The following RANBP10 variants were observed in gnomAD, a reference collection of about 807,000 sequenced individuals.
RANBP10 encodes RAN binding protein 10, also known as ran-binding protein 10.
Under a neutral mutation model 72.8 loss-of-function variants are expected in RANBP10, and 24 were observed. The ratio of observed to expected loss-of-function variants is 0.33; its 90% CI spans 0.24 to 0.46. The LOEUF (loss-of-function observed/expected upper bound fraction) is 0.46. RANBP10 is among the 20% of genes least tolerant of loss of function. RANBP10 has a pLI of 1.00. For missense variants in RANBP10, 679 were observed against 817.5 expected (o/e 0.83, Z 2.07); for synonymous variants, 310 against 322.3 (o/e 0.96, Z 0.41).
At chr16:67,771,332 T>A (rs1428427899) in intron 3 of RANBP10, among the ~76,000 whole-genome samples, 1 of 151,974 alleles carries the variant, frequency 6.6e-6, no homozygotes, top group Non-Finnish European at 1.5e-5. Context: ...TTAAAAACTT[T>A]GATCTTTTTT....
chr16:67,766,250 C>T (rs1038442921), intron 3 of RANBP10, among the ~76,000 whole-genome samples: 2 of 152,156 alleles, frequency 1.3e-5, no homozygotes, highest in Non-Finnish European at 2.9e-5. Context: ...ATGATGCTTT[C>T]GGTTTTGCAA....
intron 2 of RANBP10, among the ~76,000 whole-genome samples, chr16:67,779,330 GA>G (rs2054769755): frequency 6.6e-6 from 1 of 151,544 alleles, no homozygotes; most frequent in African/African-American, 2.4e-5. Flanking sequence ...GGGGTGGGTG[GA>G]GGTTGCAGTG....
At chr16:67,774,912 A>G (rs2054673302) in intron 2 of RANBP10, among the ~76,000 whole-genome samples, 1 of 152,220 alleles carries the variant, frequency 6.6e-6, no homozygotes, top group Admixed American at 6.5e-5. Context: ...AAAAACACGA[A>G]TTGTACACTT....
At chr16:67,728,183 T>C (rs1260344377) in intron 11 of RANBP10, among the ~76,000 whole-genome samples, 5 of 152,338 alleles carry the variant, frequency 3.3e-5, no homozygotes, top group South Asian at 4.1e-4. Flanking sequence ...GCCTCAAACA[T>C]AGGTGGTCTT....
Position 67,728,406 on chromosome 16 carries a change from C to T in RANBP10, c.1458G>A (p.Thr486=), listed in dbSNP as rs939328448. ...GGCTCTCACCCATGCTGGACTCATC[C>T]GTCTGCAGGTCCTCATGCTTGTAGG... ...NGAYKHEDLQ[T]DESSMDDRHP... is the part of the protein sequence containing the mutation. The change falls in exon 11 of 14, where the codon ACG becomes ACA. Residue 486 remains threonine, a synonymous_variant. Coordinates refer to ENST00000317506, the MANE Select transcript of RANBP10 (RefSeq NM_020850.3). 21 of 1,614,154 alleles carry T rather than the reference C, an allele frequency of 1.3e-5. No homozygotes were observed. The highest frequency in any genetic ancestry group is 1.7e-5 in the Non-Finnish European group (20 of 1,180,016).
rs900227719 is a variant in RANBP10 at position 67,724,993 on chromosome 16, A to G, written c.*1435T>C. ...TCCTCCAGGGCAGCCAGTCCTCTCC[A>G]CAGGTGGGCCACCCCAAGTCCTGGC... On this transcript the variant is annotated 3_prime_UTR_variant, in exon 14 of 14. Coordinates refer to ENST00000317506, the MANE Select transcript of RANBP10 (RefSeq NM_020850.3). 5.2e-5 allele frequency: 8 copies of G among 152,842 alleles called. No individual in the cohort carries two copies. The highest frequency in any genetic ancestry group is 1.9e-4 in the African/African-American group (8 of 41,446). 9.5% of individuals were successfully genotyped at this position (152,842 alleles called of 1,614,324 possible).
intron 2 of RANBP10, among the ~76,000 whole-genome samples, chr16:67,778,300 G>T (rs1016153402): frequency 6.6e-6 from 1 of 151,796 alleles, no homozygotes; most frequent in African/African-American, 2.4e-5. Flanking sequence ...AGTAAGCCAA[G>T]ATCGCGCCAC....
chr16:67,774,840 A>G (rs2054671349), intron 2 of RANBP10, among the ~76,000 whole-genome samples: 1 of 152,216 alleles, frequency 6.6e-6, no homozygotes, highest in Non-Finnish European at 1.5e-5. Flanking sequence ...AACTCTTCAT[A>G]AACTTAAAGA....
intron 2 of RANBP10, among the ~76,000 whole-genome samples, chr16:67,801,429 C>T (rs981632500): frequency 6.6e-6 from 1 of 152,134 alleles, no homozygotes; most frequent in Non-Finnish European, 1.5e-5. Flanking sequence ...CAGGCGAGGA[C>T]ATCTGATAAG....
At position 67,727,457 on chromosome 16, in the gene RANBP10, T is replaced by C. The variant is rs762491843; in HGVS notation, c.1621-19A>G. ...AGGCATCCTACAGGACAGGGCATTCTTGAGAGGACTGTGGCACACACCATA... is the reference window on the plus strand; with the variant it reads ...AGGCATCCTACAGGACAGGGCATTCCTGAGAGGACTGTGGCACACACCATA... On this transcript the variant is annotated intron_variant, in intron 12 of 13. Coordinates refer to ENST00000317506, the MANE Select transcript of RANBP10 (RefSeq NM_020850.3). 15 of 1,602,612 alleles carry C rather than the reference T, an allele frequency of 9.4e-6. No individual in the cohort carries two copies. The highest frequency in any genetic ancestry group is 8.5e-7 in the Non-Finnish European group (1 of 1,171,994).
intron 11 of RANBP10, 33 bp from the exon 12 acceptor site, chr16:67,727,929 G>A (rs2053641883): frequency 6.2e-7 from 1 of 1,609,626 alleles, no homozygotes; most frequent in South Asian, 1.1e-5. Context: ...AACGTGTTAG[G>A]AGGGGTGAAG....
chr16:67,755,640 C>T (rs1257268748), intron 3 of RANBP10, among the ~76,000 whole-genome samples: 1 of 148,632 alleles, frequency 6.7e-6, no homozygotes, highest in South Asian at 2.1e-4. Context: ...GCTAAGATCG[C>T]GCCACTGCAC....
chr16:67,792,779 C>T (rs1458420979), intron 2 of RANBP10, among the ~76,000 whole-genome samples: 1 of 146,216 alleles, frequency 6.8e-6, no homozygotes, highest in Non-Finnish European at 1.5e-5. Flanking sequence ...AAGACTCCGT[C>T]TCAAAAAAAA....
At chr16:67,755,078 G>A (rs1597863710) in intron 3 of RANBP10, among the ~76,000 whole-genome samples, 1 of 152,100 alleles carries the variant, frequency 6.6e-6, no homozygotes, top group Admixed American at 6.5e-5. Context: ...ACTTGTGATG[G>A]TGAAGCCACC....
At chr16:67,763,790 G>A (rs1265521340) in intron 3 of RANBP10, among the ~76,000 whole-genome samples, 1 of 152,196 alleles carries the variant, frequency 6.6e-6, no homozygotes, top group African/African-American at 2.4e-5. Context: ...CGCCTCCTGG[G>A]TTCAAGCGAT....
chr16:67,802,279 C>T (rs149051734), intron 2 of RANBP10, among the ~76,000 whole-genome samples: 49 of 152,262 alleles, frequency 3.2e-4, no homozygotes, highest in African/African-American at 1.2e-3. Context: ...CATACTCTTG[C>T]CATCTGACAG....
Position 67,735,007 on chromosome 16 carries a change from A to T in RANBP10, c.627T>A (p.Pro209=). The change falls in exon 6 of 14, where the codon CCT becomes CCA. Residue 209 remains proline (P), a synonymous_variant. Transcript: ENST00000317506. ...CAAAGTTGGCGTCCACAATCTCCCC[A>T]GGTGTCTGCAGGCCTACGGTGGGGT... ...NLYPTVGLQT[P]GEIVDANFGQ... is the part of the protein sequence containing the mutation. 6.2e-7 allele frequency: 1 copy of T among 1,612,476 alleles called. No homozygotes were observed. Among genetic ancestry groups the T allele is most frequent in the Non-Finnish European group, 8.5e-7 (1 of 1,179,002 alleles).
intron 3 of RANBP10, among the ~76,000 whole-genome samples, chr16:67,747,715 G>A (rs1358323755): frequency 6.6e-6 from 1 of 152,018 alleles, no homozygotes; most frequent in Non-Finnish European, 1.5e-5. Flanking sequence ...ATGTTGGCCA[G>A]GCTGGTCTCG....
rs1427273731 is a variant in RANBP10 at position 67,726,307 on chromosome 16, G to C, written c.*121C>G. On this transcript the variant is annotated 3_prime_UTR_variant, in exon 14 of 14. Transcript: ENST00000317506. ...AGGAAAGGGAGAGGGGGAAAGGCCA[G>C]GCAGGAGGAGTGGACTCTGTCTATG... 1 of 1,447,362 alleles carries C rather than the reference G, an allele frequency of 6.9e-7. No homozygotes were observed. The highest frequency in any genetic ancestry group is 1.4e-5 in the African/African-American group (1 of 71,562). 89.7% of individuals were successfully genotyped at this position (1,447,362 alleles called of 1,614,324 possible).
Sources: gnomAD v4.1 joint callset for allele counts (sites outside exome capture counted in the v4.1 genomes callset) on GRCh38, gnomAD v4.1.1 for gene constraint, MANE v1.5 for transcripts, NCBI Gene and HGNC (gene_info 2026-07-23, HGNC 2026-07-21) for gene names.